Variants in RGS6 observed in about 807,000 individuals in gnomAD.
The protein encoded by RGS6 is regulator of G-protein signaling 6.
In RGS6, 30 loss-of-function variants were observed where a neutral mutation model predicts 78.5. That is an observed-to-expected ratio of 0.38 (90% CI 0.29 to 0.52). The LOEUF is 0.52. Ranked by LOEUF, RGS6 falls within the 20% of genes least tolerant of loss-of-function variation. The pLI, the probability that RGS6 is intolerant of heterozygous loss-of-function variation, is 0.85. For missense variants in RGS6, 495 were observed against 609.7 expected, an observed-to-expected ratio of 0.81 and a Z score of 1.98; for synonymous variants, 206 against 206.0, an observed-to-expected ratio of 1.00 and a Z score of 0.00.
the RGS6 span, among the ~76,000 whole-genome samples, chr14:71,869,003 T>A: frequency 6.6e-6 from 1 of 152,170 alleles, no homozygotes; most frequent in Non-Finnish European, 1.5e-5. Flanking sequence ...GCCTTTGAGA[T>A]TAAGCAGTCA....
chr14:72,073,130 T>C (rs2094464126), intron 2 of RGS6, among the ~76,000 whole-genome samples: 1 of 151,792 alleles, frequency 6.6e-6, no homozygotes, highest in Non-Finnish European at 1.5e-5. Context: ...TTTGTTAACG[T>C]TTCTTTATGT....
intron 2 of RGS6, among the ~76,000 whole-genome samples, chr14:72,111,821 A>T (rs1176884325): frequency 6.6e-6 from 1 of 152,118 alleles, no homozygotes; most frequent in Non-Finnish European, 1.5e-5. Context: ...CATTCAGACC[A>T]TTTGCTTAAA....
At chr14:72,592,934 C>T in the RGS6 span, among the ~76,000 whole-genome samples, 1 of 152,210 alleles carries the variant, frequency 6.6e-6, no homozygotes, top group African/African-American at 2.4e-5. Flanking sequence ...GAGAGTGTCC[C>T]TTGGACCAGT....
Position 72,405,607 on chromosome 14 carries a change from T to C in RGS6, c.185-48921T>C, listed in dbSNP as rs536002721. On this transcript the variant is annotated intron_variant, in intron 3 of 17. Transcript: ENST00000553525. ...GACATGATGACATATATAATCTTTA[T>C]ATATGTATATTTACAAGTATATGTT... Among the ~76,000 whole-genome samples, 6 of 152,316 alleles carry C rather than the reference T, an allele frequency of 3.9e-5. No individual in the cohort carries two copies. In the East Asian group the frequency reaches 1.2e-3, roughly 29 times the overall value.
intron 2 of RGS6, among the ~76,000 whole-genome samples, chr14:72,254,993 A>G (rs2056757561): frequency 6.6e-6 from 1 of 152,230 alleles, no homozygotes; most frequent in South Asian, 2.1e-4. Context: ...AGAGAAAGAA[A>G]CAGGGATGGA....
At position 72,122,907 on chromosome 14, in the gene RGS6, T is replaced by G. The variant is rs561369127; in HGVS notation, c.84+158032T>G. ...CTAGTGATAAGCTGCTTATAAATCT[T>G]TCATCATTAAGATAAGATTACCTTC... On this transcript the variant is annotated intron_variant, in intron 2 of 17. Transcript: ENST00000553525. 1.0e-3 allele frequency among the ~76,000 whole-genome samples: 153 copies of G among 152,314 alleles called. 1 individual carries two copies. Among genetic ancestry groups the G allele is most frequent in the Non-Finnish European group, 8.8e-5 (6 of 68,026 alleles).
the RGS6 span, among the ~76,000 whole-genome samples, chr14:71,898,829 G>A: frequency 9.2e-5 from 14 of 152,218 alleles, no homozygotes; most frequent in African/African-American, 2.4e-4. Flanking sequence ...CCATGTCCCC[G>A]CAAGGGACAT....
At chr14:72,104,277 G>T (rs1167863924) in intron 2 of RGS6, among the ~76,000 whole-genome samples, 1 of 152,094 alleles carries the variant, frequency 6.6e-6, no homozygotes, top group Admixed American at 6.5e-5. Flanking sequence ...CTGTCAAAAC[G>T]AATTCTCATT....
intron 2 of RGS6, among the ~76,000 whole-genome samples, chr14:71,976,734 G>A (rs1270937813): frequency 6.6e-6 from 1 of 152,010 alleles, no homozygotes; most frequent in Admixed American, 6.6e-5. Context: ...ATGTGCATGT[G>A]TCTTTATAGC....
intron 2 of RGS6, among the ~76,000 whole-genome samples, chr14:71,998,119 G>T (rs1461809490): frequency 6.6e-6 from 1 of 152,206 alleles, no homozygotes; most frequent in South Asian, 2.1e-4. Flanking sequence ...TTGGTTCGGT[G>T]TGGAAAGGTG....
At chr14:72,017,072 T>G (rs923712599) in intron 2 of RGS6, among the ~76,000 whole-genome samples, 5 of 151,934 alleles carry the variant, frequency 3.3e-5, no homozygotes, top group Non-Finnish European at 7.4e-5. Context: ...AGATAAGATC[T>G]CCCAGGCTGG....
rs527501166 is a variant in RGS6 at position 72,122,348 on chromosome 14, A to G, written c.84+157473A>G. On this transcript the variant is annotated intron_variant, in intron 2 of 17. Coordinates refer to ENST00000553525, the MANE Select transcript of RGS6 (RefSeq NM_001204424.2). ...ATACCTCATCTAATCATCAGTAGCC[A>G]TAGTAATAGTAGCCCTTAGCACAGA... 1.1e-4 allele frequency among the ~76,000 whole-genome samples: 16 copies of G among 152,270 alleles called. No homozygotes were observed. The South Asian group carries it at 1.7e-3, about 16-fold the overall frequency.
intron 3 of RGS6, among the ~76,000 whole-genome samples, chr14:72,402,469 T>A (rs4350511): frequency 0.57 from 85,987 of 152,008 alleles, 27,775 homozygotes; most frequent in African/African-American, 0.89. Flanking sequence ...TTCTCAAAAG[T>A]AAACATACAA....
the RGS6 span, among the ~76,000 whole-genome samples, chr14:71,924,082 T>A: frequency 6.6e-6 from 1 of 152,216 alleles, no homozygotes; most frequent in East Asian, 1.9e-4. Context: ...CCTTGCTATG[T>A]TGCCCAGGCT....
At chr14:72,219,386 T>C (rs1827001094) in intron 2 of RGS6, among the ~76,000 whole-genome samples, 1 of 152,182 alleles carries the variant, frequency 6.6e-6, no homozygotes, top group Non-Finnish European at 1.5e-5. Context: ...GTTTGTCATG[T>C]TGATTATTCT....
chr14:72,590,889 G>A, the RGS6 span, among the ~76,000 whole-genome samples: 3 of 152,190 alleles, frequency 2.0e-5, no homozygotes. Flanking sequence ...ACTGGGGAAG[G>A]GAGAGAGGAG....
chr14:72,250,129 T>C (rs1479791424), intron 2 of RGS6, among the ~76,000 whole-genome samples: 1 of 148,870 alleles, frequency 6.7e-6, no homozygotes, highest in Non-Finnish European at 1.5e-5. Context: ...CTGGGAGATA[T>C]ACCTAATGCT....
At chr14:72,600,457 C>T in the RGS6 span, among the ~76,000 whole-genome samples, 48,650 of 151,778 alleles carry the variant, frequency 0.32, 9,362 homozygotes, top group East Asian at 0.75. Context: ...GAAGTCACGC[C>T]CCCTCTCTAG....
chr14:72,061,412 A>G (rs1435640580), intron 2 of RGS6, among the ~76,000 whole-genome samples: 1 of 152,180 alleles, frequency 6.6e-6, no homozygotes. Flanking sequence ...CTTGTGATTT[A>G]ATATAGTTGA....
Sources: allele counts gnomAD v4.1 joint callset (sites outside exome capture counted in the v4.1 genomes callset), GRCh38; gene constraint gnomAD v4.1.1; transcripts MANE v1.5; gene names NCBI Gene and HGNC (gene_info 2026-07-23, HGNC 2026-07-21).